Variants in DGLUCY observed in about 807,000 individuals in gnomAD.
The protein encoded by DGLUCY is D-glutamate cyclase.
DGLUCY carries 58 observed loss-of-function variants against 58.5 expected under a neutral mutation model. That is an observed-to-expected ratio of 0.99 (90% CI 0.80 to 1.23). The LOEUF (loss-of-function observed/expected upper bound fraction) is 1.23, where lower values mean the gene tolerates loss of function less well. DGLUCY is among the 50% of genes most tolerant of loss of function. The pLI, the probability that DGLUCY is intolerant of heterozygous loss-of-function variation, is 0.00. For missense variants in DGLUCY, 779 were observed against 784.7 expected (o/e 0.99, Z 0.09); for synonymous variants, 325 against 314.1 (o/e 1.03, Z -0.37).
intron 1 of DGLUCY, among the ~76,000 whole-genome samples, chr14:91,099,196 G>T (rs2044443411): frequency 6.6e-6 from 1 of 152,146 alleles, no homozygotes; most frequent in South Asian, 2.1e-4. Context: ...AAGAAAGGAG[G>T]TCACATGGTG....
At chr14:91,101,297 T>C (rs1460938633) in intron 1 of DGLUCY, among the ~76,000 whole-genome samples, 1 of 152,164 alleles carries the variant, frequency 6.6e-6, no homozygotes, top group Non-Finnish European at 1.5e-5. Context: ...TCTTCACCCT[T>C]AGCCCCCTCC....
intron 1 of DGLUCY, among the ~76,000 whole-genome samples, chr14:91,061,902 G>T (rs936439122): frequency 9.9e-5 from 15 of 152,186 alleles, no homozygotes; most frequent in African/African-American, 3.6e-4. Context: ...AAGGGAACCT[G>T]ATTTCTAGTA....
At chr14:91,078,186 G>A (rs547678550) in intron 1 of DGLUCY, among the ~76,000 whole-genome samples, 14 of 152,152 alleles carry the variant, frequency 9.2e-5, no homozygotes, top group African/African-American at 2.4e-4. Flanking sequence ...CCACCACCAC[G>A]CCTGGCTCCT....
intron 3 of DGLUCY, among the ~76,000 whole-genome samples, chr14:91,162,135 G>A (rs558830264): frequency 9.9e-5 from 15 of 152,180 alleles, no homozygotes; most frequent in African/African-American, 2.6e-4. Context: ...TGGGACTGTC[G>A]GGAGGGGCAC....
chr14:91,165,775 A>T (rs79191087), intron 3 of DGLUCY, among the ~76,000 whole-genome samples: 4,304 of 152,326 alleles, frequency 0.028, 77 homozygotes, highest in South Asian at 0.037. Flanking sequence ...GCAAGTGTCA[A>T]TTGGCACAAC....
Position 91,093,293 on chromosome 14 carries a change from G to A in DGLUCY, c.-82+32589G>A, listed in dbSNP as rs1417703938. Among the ~76,000 whole-genome samples the A allele has an allele frequency of 5.3e-5, 8 of 152,186 alleles. 2 individuals are homozygous for A. Among genetic ancestry groups the A allele is most frequent in the Non-Finnish European group, 1.5e-5 (1 of 68,018 alleles). ...TTTAACCCTTACAGGATGTGATGAA[G>A]TATCATTATCCCCATGAGGAAACTG... is the stretch of plus-strand genomic sequence containing the variant. On this transcript the variant is annotated intron_variant, in intron 1 of 4. Transcript: ENST00000521334.
chr14:91,127,823 C>T (rs576805377), intron 1 of DGLUCY, among the ~76,000 whole-genome samples: 39 of 152,288 alleles, frequency 2.6e-4, no homozygotes, highest in Non-Finnish European at 4.6e-4. Context: ...TTTCTCCTTC[C>T]CTGCTTTCAG....
intron 3 of DGLUCY, among the ~76,000 whole-genome samples, chr14:91,164,925 G>A (rs935666554): frequency 3.3e-5 from 5 of 152,238 alleles, no homozygotes. Flanking sequence ...CTTCCCTGCA[G>A]GGTGGTGAGT....
At chr14:91,118,282 C>G (rs905497354) in intron 1 of DGLUCY, among the ~76,000 whole-genome samples, 3 of 151,894 alleles carry the variant, frequency 2.0e-5, no homozygotes, top group African/African-American at 7.3e-5. Context: ...TTAGTAGAGC[C>G]AGGGTTTCAC....
At chr14:91,116,833 A>C (rs2044985949) in intron 1 of DGLUCY, among the ~76,000 whole-genome samples, 1 of 151,838 alleles carries the variant, frequency 6.6e-6, no homozygotes, top group Non-Finnish European at 1.5e-5. Flanking sequence ...AATCCCAGCT[A>C]TTTGGGAGGC....
At chr14:91,133,396 A>T (rs1242686903) in intron 1 of DGLUCY, among the ~76,000 whole-genome samples, 2 of 152,176 alleles carry the variant, frequency 1.3e-5, no homozygotes, top group Non-Finnish European at 2.9e-5. Flanking sequence ...TTCATCCATC[A>T]GTGGACATTG....
At chr14:91,061,609 G>A (rs1179344225) in intron 1 of DGLUCY, among the ~76,000 whole-genome samples, 1 of 152,212 alleles carries the variant, frequency 6.6e-6, no homozygotes, top group East Asian at 1.9e-4. Context: ...GATAACCAAC[G>A]TAAAGGATGG....
rs980681624 is a variant in DGLUCY, at chr14:91,060,618, T to G, written c.-168T>G. On this transcript the variant is annotated 5_prime_UTR_variant, in exon 1 of 5. Transcript: ENST00000521334. ...CGGCTCGCTCCTCGCCTCCTCCCCC[T>G]TCGGCGGGCACCGCTAGTACCGCGC... The G allele has an allele frequency of 3.7e-6, 3 of 800,084 alleles. No homozygotes were observed. The African/African-American group carries it at 5.4e-5, about 14-fold the overall frequency. The allele number at this position is 800,084 out of a possible 1,614,324, so 49.6% of individuals were successfully genotyped here. A position where few individuals can be genotyped will look rare whatever the true frequency, so the allele number is the denominator to read the frequency against.
intron 1 of DGLUCY, among the ~76,000 whole-genome samples, chr14:91,095,589 C>A (rs2044381138): frequency 6.6e-6 from 1 of 152,134 alleles, no homozygotes. Flanking sequence ...AAAAGAGATG[C>A]TTTATTCGGT....
In DGLUCY at chr14:91,138,870, T is replaced by C. The variant is rs752604436; in HGVS notation, c.-81-18769T>C. ...TCAGATGGGGCATGAATCTAAGTTA[T>C]ATTGGCCTTCGAGACCATGAGCTCA... On this transcript the variant is annotated intron_variant, in intron 1 of 13. Transcript: ENST00000256324. Among the ~76,000 whole-genome samples the C allele has an allele frequency of 8.5e-4, 129 of 152,232 alleles. 1 individual carries two copies. The highest frequency in any genetic ancestry group is 1.4e-3 in the Non-Finnish European group (94 of 68,008).
intron 1 of DGLUCY, among the ~76,000 whole-genome samples, chr14:91,150,536 G>A (rs1468344660): frequency 4.6e-5 from 7 of 152,004 alleles, no homozygotes; most frequent in Admixed American, 4.6e-4. Context: ...TGACCTCCTG[G>A]GCTCAAGCAA....
intron 1 of DGLUCY, among the ~76,000 whole-genome samples, chr14:91,134,803 A>G (rs992373373): frequency 3.9e-5 from 6 of 152,160 alleles, no homozygotes; most frequent in Admixed American, 3.9e-4. Flanking sequence ...TATTGATTTT[A>G]TATACAGAAA....
chr14:91,127,513 C>G (rs914318000), intron 1 of DGLUCY, among the ~76,000 whole-genome samples: 5 of 152,258 alleles, frequency 3.3e-5, no homozygotes, highest in African/African-American at 1.2e-4. Flanking sequence ...TGGCCTCTGC[C>G]CCAACACACT....
At position 91,155,655 on chromosome 14, in the gene DGLUCY, G is replaced by A. The variant is rs187335234; in HGVS notation, c.-81-1984G>A. Among the ~76,000 whole-genome samples the A allele has an allele frequency of 3.3e-5, 5 of 152,180 alleles. No individual in the cohort carries two copies. In the East Asian group the frequency reaches 7.7e-4, roughly 24 times the overall value. On this transcript the variant is annotated intron_variant, in intron 1 of 13. Coordinates refer to ENST00000256324, the MANE Select transcript of DGLUCY (RefSeq NM_001102368.3). ...AAAGAAAAATTTAAAAATTAGATGG[G>A]CGTGGTGGTGCTCACCTGTAGTCCC... is the stretch of plus-strand genomic sequence containing the variant.
Sources: allele counts gnomAD v4.1 joint callset (sites outside exome capture counted in the v4.1 genomes callset), GRCh38; gene constraint gnomAD v4.1.1; transcripts MANE v1.5; gene names NCBI Gene and HGNC (gene_info 2026-07-23, HGNC 2026-07-21).